THSD7B: variants seen among roughly 807,000 people sequenced by gnomAD.
The protein encoded by THSD7B is thrombospondin type 1 domain containing 7B.
In THSD7B, 138 loss-of-function variants were observed where a neutral mutation model predicts 213.6. The observed-to-expected ratio is 0.65, with a 90% CI of 0.56 to 0.74. The LOEUF is 0.74. Among genes scored for constraint, THSD7B ranks in the 30% least tolerant of loss-of-function variants. The pLI, the probability that THSD7B is intolerant of heterozygous loss-of-function variation, is 0.00. For synonymous variants in THSD7B, 742 were observed against 687.0 expected, an observed-to-expected ratio of 1.08 and a Z score of -1.25; for missense variants, 1,931 against 1,991.5, an observed-to-expected ratio of 0.97 and a Z score of 0.58.
intron 12 of THSD7B, among the ~76,000 whole-genome samples, chr2:137,298,322 C>G (rs1000720481): frequency 4.6e-5 from 7 of 152,116 alleles, no homozygotes; most frequent in Non-Finnish European, 8.8e-5. Flanking sequence ...AGTAGCAAAG[C>G]ATTCAAGAGG....
intron 10 of THSD7B, among the ~76,000 whole-genome samples, chr2:137,271,712 T>G (rs993798877): frequency 6.6e-6 from 1 of 151,902 alleles, no homozygotes; most frequent in Non-Finnish European, 1.5e-5. Flanking sequence ...TTCTTCTTGC[T>G]TAATTATAAG....
chr2:137,164,016 C>A (rs1482441495), intron 6 of THSD7B, among the ~76,000 whole-genome samples: 2 of 152,050 alleles, frequency 1.3e-5, no homozygotes, highest in Non-Finnish European at 2.9e-5. Flanking sequence ...AGCCATCTGC[C>A]CATCATGCAC....
At chr2:137,560,407 T>C (rs1681085906) in intron 15 of THSD7B, among the ~76,000 whole-genome samples, 1 of 152,174 alleles carries the variant, frequency 6.6e-6, no homozygotes, top group African/African-American at 2.4e-5. Context: ...TTCATGTCCT[T>C]TGTAGGGACA....
intron 12 of THSD7B, among the ~76,000 whole-genome samples, chr2:137,310,271 T>C (rs1683862817): frequency 6.6e-6 from 1 of 151,820 alleles, no homozygotes. Flanking sequence ...TGAGCATTTT[T>C]TCATGTGTTT....
At chr2:137,034,546 C>T (rs1433567251) in intron 2 of THSD7B, among the ~76,000 whole-genome samples, 1 of 152,142 alleles carries the variant, frequency 6.6e-6, no homozygotes, top group Non-Finnish European at 1.5e-5. Context: ...TTAAGCCCTG[C>T]ATGCATTAGG....
At chr2:137,366,507 G>C (rs1424990458) in intron 12 of THSD7B, among the ~76,000 whole-genome samples, 1 of 151,786 alleles carries the variant, frequency 6.6e-6, no homozygotes, top group East Asian at 1.9e-4. Flanking sequence ...AATATCTGTG[G>C]ACAAAATATT....
At chr2:137,603,424 T>G (rs371724107) in intron 17 of THSD7B, among the ~76,000 whole-genome samples, 1 of 152,224 alleles carries the variant, frequency 6.6e-6, no homozygotes, top group African/African-American at 2.4e-5. Flanking sequence ...AATCTTTAAC[T>G]TTCTTTGTAG....
chr2:137,146,025 A>G (rs1553474377), intron 5 of THSD7B, among the ~76,000 whole-genome samples: 1 of 152,132 alleles, frequency 6.6e-6, no homozygotes, highest in Non-Finnish European at 1.5e-5. Flanking sequence ...CTGATGATAT[A>G]TGTATATGTG....
intron 7 of THSD7B, among the ~76,000 whole-genome samples, chr2:137,200,154 T>C (rs1438418021): frequency 6.6e-6 from 1 of 152,212 alleles, no homozygotes; most frequent in Non-Finnish European, 1.5e-5. Flanking sequence ...AAATATAGAT[T>C]TCTTTCTCTC....
At chr2:137,432,205 A>G (rs751936889) in intron 14 of THSD7B, among the ~76,000 whole-genome samples, 2 of 152,150 alleles carry the variant, frequency 1.3e-5, no homozygotes, top group Non-Finnish European at 2.9e-5. Context: ...ATCCTGGCCA[A>G]CGTGGTGAAA....
Position 137,616,028 on chromosome 2 carries a change from T to C in THSD7B, c.3424-147T>C, listed in dbSNP as rs555015577. ...AAAGAATTTATAATCATTCACAGAA[T>C]GGTTTCATTTTCTAAGTAATATGTT... On this transcript the variant is annotated intron_variant, in intron 17 of 27. Transcript: ENST00000409968. 9.9e-5 allele frequency: 74 copies of C among 745,030 alleles called. 2 individuals are homozygous for C. The South Asian group carries it at 2.4e-3, about 25-fold the overall frequency. 46.2% of individuals were successfully genotyped at this position (745,030 alleles called of 1,614,324 possible).
At chr2:137,163,096 A>G (rs773003675) in intron 6 of THSD7B, among the ~76,000 whole-genome samples, 3 of 152,102 alleles carry the variant, frequency 2.0e-5, no homozygotes, top group Non-Finnish European at 4.4e-5. Context: ...GAACTGGCCC[A>G]TGGAACTTCA....
intron 1 of THSD7B, among the ~76,000 whole-genome samples, chr2:136,847,739 G>A (rs575072937): frequency 3.3e-5 from 5 of 152,024 alleles, no homozygotes; most frequent in Non-Finnish European, 7.4e-5. Flanking sequence ...TCAAAAGCAG[G>A]TCAAAAAGCA....
intron 6 of THSD7B, 128 bp downstream of exon 6, chr2:137,160,496 C>G (rs1359513576): frequency 1.6e-6 from 2 of 1,239,458 alleles, no homozygotes; most frequent in African/African-American, 3.0e-5. Flanking sequence ...CAGCTCAAGC[C>G]TAACGGTATT....
At chr2:137,266,870 G>C (rs17795689) in intron 10 of THSD7B, among the ~76,000 whole-genome samples, 2,844 of 152,206 alleles carry the variant, frequency 0.019, 51 homozygotes, top group Non-Finnish European at 0.03. Flanking sequence ...TTTTAAATTA[G>C]TTGCAAACTT....
At chr2:136,856,344 C>T (rs1683180894) in intron 1 of THSD7B, among the ~76,000 whole-genome samples, 1 of 152,120 alleles carries the variant, frequency 6.6e-6, no homozygotes. Flanking sequence ...AGGCTGAGGC[C>T]AGTGCTTGTT....
At chr2:137,306,577 C>G (rs1043752665) in intron 12 of THSD7B, among the ~76,000 whole-genome samples, 4 of 152,040 alleles carry the variant, frequency 2.6e-5, no homozygotes, top group Non-Finnish European at 5.9e-5. Flanking sequence ...ATTTTTTGCT[C>G]TATACCTAAT....
intron 12 of THSD7B, among the ~76,000 whole-genome samples, chr2:137,343,751 C>T (rs942053316): frequency 2.6e-5 from 4 of 151,802 alleles, no homozygotes; most frequent in African/African-American, 9.7e-5. Context: ...GAAGAGAGCA[C>T]ATTTCCATAT....
intron 1 of THSD7B, among the ~76,000 whole-genome samples, chr2:136,868,687 T>C (rs1683384666): frequency 6.6e-6 from 1 of 152,188 alleles, no homozygotes; most frequent in African/African-American, 2.4e-5. Flanking sequence ...TGTTCACACA[T>C]TCCAGTTATC....
Sources: allele counts gnomAD v4.1 joint callset (sites outside exome capture counted in the v4.1 genomes callset), GRCh38; gene constraint gnomAD v4.1.1; transcripts MANE v1.5; gene names NCBI Gene and HGNC (gene_info 2026-07-23, HGNC 2026-07-21).